Variants in KCTD9 observed in about 807,000 individuals in gnomAD.
The protein encoded by KCTD9 is BTB/POZ domain-containing protein KCTD9.
Under a neutral mutation model 53.3 loss-of-function variants are expected in KCTD9, and 17 were observed. That is an observed-to-expected ratio of 0.32 (90% CI 0.22 to 0.48). KCTD9 has a LOEUF of 0.48. Ranked by LOEUF, KCTD9 falls within the 20% of genes least tolerant of loss-of-function variation. KCTD9 has a pLI of 0.99. For synonymous variants in KCTD9, 128 were observed against 162.7 expected, an observed-to-expected ratio of 0.79 and a Z score of 1.62; for missense variants, 179 against 465.5, an observed-to-expected ratio of 0.38 and a Z score of 5.66.
At chr8:25,451,804 AT>A (rs561206781) in intron 1 of KCTD9, among the ~76,000 whole-genome samples, 11 of 152,104 alleles carry the variant, frequency 7.2e-5, no homozygotes, top group South Asian at 2.1e-4. Context: ...CATGTAAAAT[AT>A]TTTTTTCTTT....
intron 1 of KCTD9, chr8:25,451,678 G>A (rs930272107): frequency 2.0e-5 from 3 of 152,120 alleles, no homozygotes; most frequent in African/African-American, 4.8e-5. Flanking sequence ...CCTATGAGTT[G>A]GAGAGTAAAT....
intron 3 of KCTD9, 84 bp from the exon 4 acceptor site, chr8:25,440,757 A>G: frequency 2.2e-6 from 2 of 891,478 alleles, no homozygotes; most frequent in South Asian, 1.4e-5. Context: ...TTTAAACTGA[A>G]TACACACATA....
At chr8:25,446,604 A>C (rs958020410) in intron 1 of KCTD9, among the ~76,000 whole-genome samples, 19 of 152,232 alleles carry the variant, frequency 1.2e-4, no homozygotes, top group African/African-American at 4.3e-4. Context: ...TGTTGCTTTA[A>C]CTAGAAATGA....
chr8:25,438,100 A>C (rs1298855507), intron 6 of KCTD9, among the ~76,000 whole-genome samples: 1 of 152,130 alleles, frequency 6.6e-6, no homozygotes, highest in Non-Finnish European at 1.5e-5. Context: ...AGAAACATGA[A>C]AAAGAAAAAA....
intron 1 of KCTD9, among the ~76,000 whole-genome samples, chr8:25,449,119 A>T (rs544631288): frequency 1.9e-4 from 29 of 152,210 alleles, no homozygotes; most frequent in Non-Finnish European, 3.5e-4. Context: ...GAGAGTAAAG[A>T]CAGAGAAGAG....
chr8:25,455,198 C>G (rs75450002), intron 1 of KCTD9, among the ~76,000 whole-genome samples: 6,340 of 151,988 alleles, frequency 0.042, 180 homozygotes, highest in South Asian at 0.1. Context: ...TCACTCCAGC[C>G]TGGGTGGAAG....
chr8:25,448,344 T>C (rs187216221), intron 1 of KCTD9, among the ~76,000 whole-genome samples: 1 of 152,012 alleles, frequency 6.6e-6, no homozygotes, highest in East Asian at 1.9e-4. Flanking sequence ...GGCAAATTCA[T>C]AGAGAAAGAA....
chr8:25,435,957 A>G (rs1013063501), intron 8 of KCTD9, among the ~76,000 whole-genome samples: 4 of 152,200 alleles, frequency 2.6e-5, no homozygotes, highest in African/African-American at 9.6e-5. Flanking sequence ...CATATATTGC[A>G]AATGTACAAA....
Position 25,440,568 on chromosome 8 carries a change from C to A in KCTD9, c.311+9G>T. On this transcript the variant is annotated intron_variant, in intron 4 of 11. Transcript: ENST00000221200. ...ATTCTCTTTCTAACACACATACACA[C>A]ACACCTACCGTGTAGTTGTAAAGTA... is the stretch of plus-strand genomic sequence containing the variant. 6.4e-7 allele frequency: 1 copy of A among 1,551,834 alleles called. No homozygotes were observed. The highest frequency in any genetic ancestry group is 8.9e-7 in the Non-Finnish European group (1 of 1,123,862).
At chr8:25,444,708 G>A (rs941260392) in intron 2 of KCTD9, among the ~76,000 whole-genome samples, 1 of 152,090 alleles carries the variant, frequency 6.6e-6, no homozygotes, top group African/African-American at 2.4e-5. Context: ...ATCATCAGCT[G>A]TTGTGTGCTT....
chr8:25,449,129 G>A (rs1802271895), intron 1 of KCTD9, among the ~76,000 whole-genome samples: 1 of 152,192 alleles, frequency 6.6e-6, no homozygotes, highest in African/African-American at 2.4e-5. Context: ...ACAGAGAAGA[G>A]AGAAGCAAAC....
In KCTD9 at chr8:25,432,424, G is replaced by T. The variant is rs1470189794; in HGVS notation, c.1053+80C>A. 3.1e-6 allele frequency: 4 copies of T among 1,300,312 alleles called. No individual in the cohort carries two copies. The Admixed American group carries it at 7.8e-5, about 25-fold the overall frequency. 80.5% of individuals were successfully genotyped at this position (1,300,312 alleles called of 1,614,324 possible). A position where few individuals can be genotyped will look rare whatever the true frequency, so the allele number is the denominator to read the frequency against. On this transcript the variant is annotated intron_variant, in intron 11 of 11. Transcript: ENST00000221200. Reference sequence around the variant, plus strand: ...TCCAGTTTTACCAGCCAACTACTTTGTTTTGATTTCAATAAATTTTGCATG... The same window carrying T: ...TCCAGTTTTACCAGCCAACTACTTTTTTTTGATTTCAATAAATTTTGCATG...
intron 6 of KCTD9, among the ~76,000 whole-genome samples, chr8:25,438,968 A>G (rs1802068845): frequency 6.6e-6 from 1 of 152,212 alleles, no homozygotes; most frequent in Non-Finnish European, 1.5e-5. Context: ...AAAAGGAAAC[A>G]ACAAAATCCT....
intron 8 of KCTD9, 116 bp from the exon 9 acceptor site, chr8:25,435,628 G>A: frequency 3.9e-6 from 3 of 771,902 alleles, no homozygotes; most frequent in South Asian, 2.2e-5. Context: ...TCAGTCACTT[G>A]GAGTTTATTA....
intron 3 of KCTD9, among the ~76,000 whole-genome samples, chr8:25,441,889 C>G (rs1802129971): frequency 6.6e-6 from 1 of 151,992 alleles, no homozygotes; most frequent in Non-Finnish European, 1.5e-5. Context: ...GCAGTCCCAG[C>G]TCCTGGTTGG....
intron 6 of KCTD9, 124 bp downstream of exon 6, chr8:25,439,155 T>C (rs1305147266): frequency 8.9e-6 from 7 of 783,966 alleles, no homozygotes; most frequent in East Asian, 8.9e-5. Context: ...GTTTAAAAAA[T>C]AGAAAAAATA....
chr8:25,440,912 G>C lies in KCTD9; in HGVS notation c.215-239C>G, dbSNP rs533106709. ...CAGCGCCTGTGAAAGAAAAAGCAGA[G>C]AGAAGCAACAGGGTATATGATGAAC... On this transcript the variant is annotated intron_variant, in intron 3 of 11. Coordinates refer to ENST00000221200, the MANE Select transcript of KCTD9 (RefSeq NM_017634.4). 6.6e-5 allele frequency among the ~76,000 whole-genome samples: 10 copies of C among 152,308 alleles called. No individual in the cohort carries two copies. In the South Asian group the frequency reaches 2.1e-3, roughly 32 times the overall value.
At chr8:25,448,150 A>AAAAGG (rs943385554) in intron 1 of KCTD9, among the ~76,000 whole-genome samples, 3 of 151,982 alleles carry the variant, frequency 2.0e-5, no homozygotes, top group African/African-American at 7.3e-5. Flanking sequence ...AAGAAAAGAG[A>AAAAGG]AAAGGAAAGG....
chr8:25,454,439 T>C (rs1017589490), intron 1 of KCTD9, among the ~76,000 whole-genome samples: 10 of 152,328 alleles, frequency 6.6e-5, no homozygotes, highest in African/African-American at 2.2e-4. Context: ...AAGCACTCTG[T>C]GTTCAAGACG....
Sources: gnomAD v4.1 joint callset for allele counts (sites outside exome capture counted in the v4.1 genomes callset) on GRCh38, gnomAD v4.1.1 for gene constraint, MANE v1.5 for transcripts, NCBI Gene and HGNC (gene_info 2026-07-23, HGNC 2026-07-21) for gene names.